The following NMS variants were observed in gnomAD, a reference collection of about 807,000 sequenced individuals.
NMS encodes neuromedin S, also known as neuromedin-S.
In NMS, 30 loss-of-function variants were observed where a neutral mutation model predicts 32.2. The ratio of observed to expected loss-of-function variants is 0.93; its 90% confidence interval spans 0.70 to 1.26. The LOEUF is 1.26. NMS is among the 50% of genes most tolerant of loss of function. The pLI is 0.00. For synonymous variants in NMS, 76 were observed against 58.5 expected, an observed-to-expected ratio of 1.30 and a Z score of -1.37; for missense variants, 190 against 186.3, an observed-to-expected ratio of 1.02 and a Z score of -0.12.
rs1677209402 is a variant in NMS at position 100,481,152 on chromosome 2, C to G, written c.399C>G (p.Pro133=). 1 of 1,614,146 alleles carries G rather than the reference C, an allele frequency of 6.2e-7. No individual in the cohort carries two copies. Among genetic ancestry groups the G allele is most frequent in the Non-Finnish European group, 8.5e-7 (1 of 1,180,008 alleles). Residue 133 remains proline (P), a synonymous_variant, in exon 8 of 10, where the codon CCC becomes CCG. Coordinates refer to ENST00000376865, the MANE Select transcript of NMS (RefSeq NM_001011717.1). ...ATCACACTGCGACCTGGGGACGACC[C>G]TTTTTCCTTTTCAGGGTATAGCATG... is the stretch of plus-strand genomic sequence containing the variant. ...KKDHTATWGR[P]FFLFRPRNGR...
intron 3 of NMS, among the ~76,000 whole-genome samples, chr2:100,473,753 T>A (rs1677050401): frequency 6.6e-6 from 1 of 151,968 alleles, no homozygotes; most frequent in Non-Finnish European, 1.5e-5. Context: ...TATGGGTAGT[T>A]CATGTATATT....
intron 7 of NMS, 151 bp downstream of exon 7, chr2:100,480,682 A>G: frequency 1.3e-6 from 1 of 743,886 alleles, no homozygotes; most frequent in Non-Finnish European, 2.2e-6. Flanking sequence ...TTTGTGGCTG[A>G]GCAATTAAGT....
At chr2:100,470,654 T>G in intron 1 of NMS, 90 bp downstream of exon 1, 1 of 996,906 alleles carries the variant, frequency 1.0e-6, no homozygotes, top group South Asian at 1.3e-5. Context: ...CTGGAGGGAG[T>G]CAAGCTTTAT....
chr2:100,477,514 C>G (rs1192559448), intron 5 of NMS, 100 bp downstream of exon 5: 3 of 822,968 alleles, frequency 3.6e-6, no homozygotes, highest in South Asian at 1.7e-5. Flanking sequence ...AAGCTGGGGG[C>G]TCCGGACATC....
chr2:100,479,802 G>A (rs1677181952), intron 6 of NMS, among the ~76,000 whole-genome samples: 2 of 152,054 alleles, frequency 1.3e-5, no homozygotes, highest in South Asian at 4.2e-4. Flanking sequence ...ATTGCCCTAG[G>A]TGCCCGTTGT....
At chr2:100,475,750 A>T (rs1677096659) in intron 3 of NMS, among the ~76,000 whole-genome samples, 1 of 152,198 alleles carries the variant, frequency 6.6e-6, no homozygotes, top group Non-Finnish European at 1.5e-5. Context: ...CTGTAATCCC[A>T]GAACTTTGGG....
At chr2:100,483,036 G>C (rs1677249641) in intron 9 of NMS, among the ~76,000 whole-genome samples, 1 of 152,230 alleles carries the variant, frequency 6.6e-6, no homozygotes, top group Admixed American at 6.5e-5. Flanking sequence ...GATGCTCCCT[G>C]AGGCCATAGT....
chr2:100,470,986 G>A (rs1304683495), intron 1 of NMS, among the ~76,000 whole-genome samples: 1 of 151,108 alleles, frequency 6.6e-6, no homozygotes, highest in Admixed American at 6.6e-5. Flanking sequence ...AGAAGGGCGC[G>A]GGAGGAGCGC....
At chr2:100,475,272 C>G (rs563725951) in intron 3 of NMS, among the ~76,000 whole-genome samples, 1 of 152,196 alleles carries the variant, frequency 6.6e-6, no homozygotes, top group African/African-American at 2.4e-5. Context: ...GTCACTTCGT[C>G]TCTTGGGGCT....
intron 9 of NMS, among the ~76,000 whole-genome samples, chr2:100,482,595 G>A (rs143146640): frequency 1.3e-5 from 2 of 152,216 alleles, no homozygotes; most frequent in Non-Finnish European, 2.9e-5. Flanking sequence ...CTGCGATGGG[G>A]ATGCAGGCTC....
intron 3 of NMS, among the ~76,000 whole-genome samples, chr2:100,476,987 C>T (rs180903942): frequency 2.2e-4 from 33 of 152,268 alleles, no homozygotes; most frequent in Middle Eastern, 3.4e-3. Context: ...CTCCTCCCCA[C>T]GCCCTGCAAA....
At chr2:100,482,933 AG>A (rs1304296822) in intron 9 of NMS, among the ~76,000 whole-genome samples, 1 of 152,214 alleles carries the variant, frequency 6.6e-6, no homozygotes, top group Non-Finnish European at 1.5e-5. Context: ...TGCTGCCAGC[AG>A]GGGTCAGTAG....
At chr2:100,482,190 G>T in intron 8 of NMS, 87 bp from the exon 9 acceptor site, 2 of 1,313,772 alleles carry the variant, frequency 1.5e-6, no homozygotes, top group Admixed American at 3.4e-5. Context: ...TGAGGCCTTA[G>T]GGTTCAACAG....
chr2:100,470,886 A>G (rs1334934243), intron 1 of NMS, among the ~76,000 whole-genome samples: 1 of 152,228 alleles, frequency 6.6e-6, no homozygotes, highest in African/African-American at 2.4e-5. Flanking sequence ...ACTTGTAGCC[A>G]TTTCTGCTCC....
intron 5 of NMS, among the ~76,000 whole-genome samples, chr2:100,478,547 C>T (rs1277512661): frequency 6.6e-6 from 1 of 152,196 alleles, no homozygotes; most frequent in Non-Finnish European, 1.5e-5. Context: ...ACTGCAATCT[C>T]CGCCTCCCGG....
At chr2:100,480,368 A>G (rs1274708164) in intron 6 of NMS, 128 bp from the exon 7 acceptor site, 8 of 906,672 alleles carry the variant, frequency 8.8e-6, no homozygotes, top group Non-Finnish European at 1.2e-5. Context: ...CATGCTCTCC[A>G]CCTCCTCTTT....
intron 3 of NMS, among the ~76,000 whole-genome samples, chr2:100,476,677 G>A (rs1397907536): frequency 7.1e-6 from 1 of 141,576 alleles, no homozygotes; most frequent in African/African-American, 2.7e-5. Context: ...CTATGGTTTT[G>A]TAAGAAGTCT....
chr2:100,477,294 T>C, intron 4 of NMS, 27 bp downstream of exon 4: 1 of 1,611,252 alleles, frequency 6.2e-7, no homozygotes, highest in African/African-American at 1.3e-5. Flanking sequence ...CCTGTACAAG[T>C]GCATGCAGCT....
chr2:100,473,161 A>G (rs980777956), intron 2 of NMS, among the ~76,000 whole-genome samples: 1 of 152,212 alleles, frequency 6.6e-6, no homozygotes, highest in African/African-American at 2.4e-5. Flanking sequence ...TAAATGCATA[A>G]TAGATGTACA....
Sources: gnomAD v4.1 joint callset for allele counts (sites outside exome capture counted in the v4.1 genomes callset) on GRCh38, gnomAD v4.1.1 for gene constraint, MANE v1.5 for transcripts, NCBI Gene and HGNC (gene_info 2026-07-23, HGNC 2026-07-21) for gene names.